SLC35F1: variants seen among roughly 807,000 people sequenced by gnomAD.
SLC35F1 encodes the protein solute carrier family 35 member F1, also known as chromosome 6 open reading frame 169.
In SLC35F1, 14 loss-of-function variants were observed where a neutral mutation model predicts 48.7. That is an observed-to-expected ratio of 0.29 (90% CI 0.19 to 0.45). SLC35F1 has a LOEUF of 0.45. SLC35F1 is among the 20% of genes least tolerant of loss of function. The pLI, the probability that SLC35F1 is intolerant of heterozygous loss-of-function variation, is 1.00. For synonymous variants in SLC35F1, 190 were observed against 202.2 expected (o/e 0.94, Z 0.51); for missense variants, 404 against 500.0 (o/e 0.81, Z 1.83).
chr6:118,177,488 A>G lies in SLC35F1; in HGVS notation c.349+22868A>G, dbSNP rs144821336. On this transcript the variant is annotated intron_variant, in intron 2 of 7. Transcript: ENST00000360388. ...GCTACATGGAATAGTTGTATGCTTC[A>G]TTATAAAAACTCTTAGAATGAAAAG... Among the ~76,000 whole-genome samples, 84 of 152,176 alleles carry G rather than the reference A, an allele frequency of 5.5e-4. 1 individual carries two copies. Among genetic ancestry groups the G allele is most frequent in the African/African-American group, 2.0e-3 (82 of 41,544 alleles).
At chr6:117,970,831 C>T (rs9387530) in intron 1 of SLC35F1, among the ~76,000 whole-genome samples, 8,962 of 152,198 alleles carry the variant, frequency 0.059, 336 homozygotes, top group Non-Finnish European at 0.081. Flanking sequence ...TCAATTAGTT[C>T]CTACTGGGTC....
chr6:118,009,261 A>T lies in SLC35F1; in HGVS notation c.173+101362A>T, dbSNP rs552107501. Among the ~76,000 whole-genome samples the T allele has an allele frequency of 9.2e-5, 14 of 152,184 alleles. 1 individual carries two copies. Among genetic ancestry groups the T allele is most frequent in the Non-Finnish European group, 1.8e-4 (12 of 68,020 alleles). On this transcript the variant is annotated intron_variant, in intron 1 of 7. Coordinates refer to ENST00000360388, the MANE Select transcript of SLC35F1 (RefSeq NM_001029858.4). ...AGAGGATAAAGGGATTAGGCAGATT[A>T]AGGAGATCCTAAAGATGGTGGTACT... is the stretch of plus-strand genomic sequence containing the variant.
intron 1 of SLC35F1, among the ~76,000 whole-genome samples, chr6:118,070,997 T>TATATATACACATA (rs1562280849): frequency 1.6e-3 from 1 of 636 alleles, no homozygotes; most frequent in African/African-American, 5.3e-3. Flanking sequence ...TCTACGTGTG[T>TATATATACACATA]GTATATATAT....
intron 2 of SLC35F1, among the ~76,000 whole-genome samples, chr6:118,160,080 G>C (rs769627916): frequency 4.6e-5 from 7 of 152,092 alleles, no homozygotes; most frequent in Non-Finnish European, 1.0e-4. Flanking sequence ...TTTAGCCTCT[G>C]TTTTCCTCCT....
intron 7 of SLC35F1, among the ~76,000 whole-genome samples, chr6:118,291,608 A>G (rs1328771469): frequency 6.6e-6 from 1 of 152,194 alleles, no homozygotes; most frequent in Non-Finnish European, 1.5e-5. Flanking sequence ...GAAAGGAACC[A>G]AGTTAATGCC....
At position 118,275,546 on chromosome 6, in the gene SLC35F1, G is replaced by A. The variant is rs943760587; in HGVS notation, c.725G>A (p.Arg242Gln). Reference sequence around the variant, plus strand: ...AACGTCTGGGAAGAATACATCATCCGAACTCTGAGCCGAGTGGAATTCCTG... The same window carrying A: ...AACGTCTGGGAAGAATACATCATCCAAACTCTGAGCCGAGTGGAATTCCTG... The part of the protein sequence containing the change: ...ISNVWEEYII[R>Q]TLSRVEFLGM... The change falls in exon 5 of 8, where the codon CGA (arginine) becomes CAA (glutamine). Residue 242 changes from arginine to glutamine, a missense_variant. Physicochemically the swap from Arg to Gln is conservative, Grantham distance 43. Around this residue, in one of 2 missense-constraint regions of SLC35F1, gnomAD observed 306 missense variants for 419.1 expected, o/e 0.73. Transcript: ENST00000360388. The A allele has an allele frequency of 8.7e-6, 14 of 1,613,808 alleles. No individual in the cohort carries two copies. The highest frequency in any genetic ancestry group is 4.0e-5 in the African/African-American group (3 of 74,894).
At chr6:118,242,065 T>C (rs951284485) in intron 3 of SLC35F1, among the ~76,000 whole-genome samples, 2 of 152,240 alleles carry the variant, frequency 1.3e-5, no homozygotes, top group Admixed American at 6.5e-5. Context: ...TAATAAAGTA[T>C]TCATTTCTCT....
intron 7 of SLC35F1, among the ~76,000 whole-genome samples, chr6:118,298,301 T>A (rs1776216256): frequency 6.6e-6 from 1 of 152,182 alleles, no homozygotes; most frequent in Non-Finnish European, 1.5e-5. Context: ...GACTTCCTTT[T>A]CAAAAATAGA....
At chr6:118,157,016 T>C (rs946129428) in intron 2 of SLC35F1, among the ~76,000 whole-genome samples, 1 of 152,204 alleles carries the variant, frequency 6.6e-6, no homozygotes, top group African/African-American at 2.4e-5. Flanking sequence ...CAGTACCATC[T>C]ATTGAGCCTT....
chr6:118,260,947 A>G (rs1775704825), intron 3 of SLC35F1, among the ~76,000 whole-genome samples: 1 of 152,150 alleles, frequency 6.6e-6, no homozygotes, highest in South Asian at 2.1e-4. Flanking sequence ...TGTGATTATA[A>G]CTGAATTTAT....
chr6:117,913,028 A>G (rs889138386), intron 1 of SLC35F1, among the ~76,000 whole-genome samples: 2 of 152,252 alleles, frequency 1.3e-5, no homozygotes, highest in Non-Finnish European at 1.5e-5. Flanking sequence ...ATATAGCTCT[A>G]AAGTTACTTA....
intron 1 of SLC35F1, among the ~76,000 whole-genome samples, chr6:118,064,255 C>T (rs1034485354): frequency 6.6e-6 from 1 of 152,194 alleles, no homozygotes; most frequent in Non-Finnish European, 1.5e-5. Context: ...TACTGGGTCC[C>T]TCCCACAACA....
chr6:118,133,926 C>T (rs972057732), intron 1 of SLC35F1, among the ~76,000 whole-genome samples: 4 of 152,196 alleles, frequency 2.6e-5, no homozygotes, highest in African/African-American at 9.6e-5. Flanking sequence ...GCCTATCTCT[C>T]CATTGAGAAC....
chr6:118,156,252 C>T (rs1256122089), intron 2 of SLC35F1, among the ~76,000 whole-genome samples: 1 of 151,540 alleles, frequency 6.6e-6, no homozygotes, highest in Non-Finnish European at 1.5e-5. Flanking sequence ...AAGCATGAAA[C>T]TGCGTAAAAT....
At chr6:118,053,529 A>G (rs942042264) in intron 1 of SLC35F1, among the ~76,000 whole-genome samples, 3 of 152,210 alleles carry the variant, frequency 2.0e-5, no homozygotes, top group Non-Finnish European at 4.4e-5. Flanking sequence ...GATACATGTG[A>G]TTACATTTCA....
intron 1 of SLC35F1, among the ~76,000 whole-genome samples, chr6:118,052,153 G>A (rs1327844862): frequency 1.3e-5 from 2 of 151,980 alleles, no homozygotes; most frequent in African/African-American, 4.8e-5. Context: ...AGATATGATG[G>A]TCAAAAATAA....
At chr6:117,926,326 A>G (rs1188651659) in intron 1 of SLC35F1, among the ~76,000 whole-genome samples, 1 of 152,136 alleles carries the variant, frequency 6.6e-6, no homozygotes, top group African/African-American at 2.4e-5. Flanking sequence ...TACCGTAATT[A>G]TAAGTTTCCT....
At chr6:118,027,942 G>T (rs927092357) in intron 1 of SLC35F1, among the ~76,000 whole-genome samples, 1 of 151,932 alleles carries the variant, frequency 6.6e-6, no homozygotes, top group African/African-American at 2.4e-5. Flanking sequence ...TAACCCAAGG[G>T]GATTACAAAT....
At chr6:118,273,366 C>A (rs1284653081) in intron 4 of SLC35F1, among the ~76,000 whole-genome samples, 1 of 152,150 alleles carries the variant, frequency 6.6e-6, no homozygotes, top group Admixed American at 6.5e-5. Context: ...TAGCTTTCTT[C>A]AATTCATTCT....
Sources: allele counts gnomAD v4.1 joint callset (sites outside exome capture counted in the v4.1 genomes callset), GRCh38; gene constraint gnomAD v4.1.1; regional missense constraint gnomAD v4.1.1; transcripts MANE v1.5; gene names NCBI Gene and HGNC (gene_info 2026-07-23, HGNC 2026-07-21).